KDM1B: variants seen among roughly 807,000 people sequenced by gnomAD.
KDM1B encodes lysine-specific histone demethylase 2.
Under a neutral mutation model 107.4 loss-of-function variants are expected in KDM1B, and 63 were observed. That is an observed-to-expected ratio of 0.59 (90% CI 0.48 to 0.72). The LOEUF (loss-of-function observed/expected upper bound fraction) is 0.72. Among genes scored for constraint, KDM1B ranks in the 30% least tolerant of loss-of-function variants. The pLI is 0.00. For synonymous variants in KDM1B, 363 were observed against 363.9 expected (o/e 1.00, Z 0.03); for missense variants, 749 against 1,020.8 (o/e 0.73, Z 3.63).
At chr6:18,173,709 A>G (rs1785809590) in intron 7 of KDM1B, among the ~76,000 whole-genome samples, 1 of 152,016 alleles carries the variant, frequency 6.6e-6, no homozygotes, top group Non-Finnish European at 1.5e-5. Context: ...TTTTCCATAC[A>G]GATATTTAGT....
rs1384907021 is a variant in KDM1B at position 18,212,561 on chromosome 6, AGATGAAG to A, written c.1942_1948del (p.Met648LeufsTer5). On this transcript the variant is annotated frameshift_variant, in exon 18 of 22. Coordinates refer to ENST00000650836, the MANE Select transcript of KDM1B (RefSeq NM_001364614.2). LOFTEE classifies it high-confidence loss of function. The surrounding 1 kb of genome is among the most constrained non-coding windows in gnomAD (Gnocchi z 5.2). ...TTTAATCCACCGTTGTCAGAGAAGA[AGATGAAG>A]GCTATCAACAGCTTAGGCGCAGGCA... The A allele has an allele frequency of 6.2e-7, 1 of 1,614,178 alleles. No individual in the cohort carries two copies. The highest frequency in any genetic ancestry group is 1.7e-5 in the Admixed American group (1 of 60,032).
intron 8 of KDM1B, among the ~76,000 whole-genome samples, chr6:18,187,581 T>A (rs769919715): frequency 2.5e-4 from 38 of 152,300 alleles, no homozygotes; most frequent in Admixed American, 1.2e-3. Context: ...GAATTCTGTC[T>A]GGGAGACATT....
intron 6 of KDM1B, among the ~76,000 whole-genome samples, chr6:18,167,321 C>T (rs1320791689): frequency 6.6e-6 from 1 of 151,540 alleles, no homozygotes; most frequent in Non-Finnish European, 1.5e-5. Flanking sequence ...CGTGCCACTG[C>T]ACTCCAGCCT....
rs11323463 is a variant in KDM1B, at chr6:18,203,852, C to CAA, written c.1532-1668_1532-1667dup. Among the ~76,000 whole-genome samples, 11,646 of 131,506 alleles carry CAA rather than the reference C, an allele frequency of 0.089. 581 individuals are homozygous for CAA. The highest frequency in any genetic ancestry group is 0.21 in the South Asian group (879 of 4,106). The allele number at this position is 131,506 out of a possible 152,430, so 86.3% of individuals were successfully genotyped here. On this transcript the variant is annotated intron_variant, in intron 14 of 21. Coordinates refer to ENST00000650836, the MANE Select transcript of KDM1B (RefSeq NM_001364614.2). The surrounding 1 kb of genome is among the most constrained non-coding windows in gnomAD (Gnocchi z 5.5). ...TTGATGACAAGCGAAACTCCGTCTCCAAAAAAAAAAAAAAAAAATCACATT... is the reference window on the plus strand; with the variant it reads ...TTGATGACAAGCGAAACTCCGTCTCCAAAAAAAAAAAAAAAAAAAATCACATT...
In KDM1B at chr6:18,213,706, T is replaced by G; in HGVS notation, c.2034T>G (p.Ala678=). Residue 678 remains alanine (A), a synonymous_variant, in exon 19 of 22, where the codon GCT becomes GCG. Transcript: ENST00000650836. The surrounding 1 kb of genome is among the most constrained non-coding windows in gnomAD (Gnocchi z 5.9). ...TTTGGGACAGTAAAGTACAAGGGGCTGACTTTTTTGGTCACGTTCCTCCCA... is the reference window on the plus strand; with the variant it reads ...TTTGGGACAGTAAAGTACAAGGGGCGGACTTTTTTGGTCACGTTCCTCCCA... ...YRFWDSKVQG[A]DFFGHVPPSA... 1 of 1,614,182 alleles carries G rather than the reference T, an allele frequency of 6.2e-7. No individual in the cohort carries two copies. Among genetic ancestry groups the G allele is most frequent in the East Asian group, 2.2e-5 (1 of 44,884 alleles).
At chr6:18,166,125 CATA>C (rs1434243531) in intron 5 of KDM1B, 139 bp from the exon 6 acceptor site, 3 of 572,174 alleles carry the variant, frequency 5.2e-6, no homozygotes, top group Non-Finnish European at 9.6e-6. Flanking sequence ...TTATGGGTGC[CATA>C]ATAACTTTCT....
rs1467847256 is a variant in KDM1B, at chr6:18,201,250, C to T, written c.1360-236C>T. Among the ~76,000 whole-genome samples the T allele has an allele frequency of 2.0e-5, 3 of 152,130 alleles. No homozygotes were observed. Among genetic ancestry groups the T allele is most frequent in the African/African-American group, 4.8e-5 (2 of 41,416 alleles). On this transcript the variant is annotated intron_variant, in intron 13 of 21. Transcript: ENST00000650836. This position sits in a 1 kb window ranked among gnomAD's most constrained non-coding sequence, Gnocchi z 4.3. ...AGCCAAAAAGTTACAATGGGCATGGCGTAGGAGCTGTTGCTGCCCCTCTCA... is the reference window on the plus strand; with the variant it reads ...AGCCAAAAAGTTACAATGGGCATGGTGTAGGAGCTGTTGCTGCCCCTCTCA...
rs1314025564 is a variant in KDM1B at position 18,200,816 on chromosome 6, TG to T, written c.1359+242del. Among the ~76,000 whole-genome samples the T allele has an allele frequency of 2.6e-5, 4 of 152,172 alleles. No homozygotes were observed. The highest frequency in any genetic ancestry group is 5.9e-5 in the Non-Finnish European group (4 of 68,026). On this transcript the variant is annotated intron_variant, in intron 13 of 21. Transcript: ENST00000650836. The surrounding 1 kb of genome is among the most constrained non-coding windows in gnomAD (Gnocchi z 4.3). Reference sequence around the variant, plus strand: ...ATTTCCTTGTTCTTTGCAGGCCACTTGGTTATCTCATAATTTTAGAGTTGCC... The same window carrying T: ...ATTTCCTTGTTCTTTGCAGGCCACTTGTTATCTCATAATTTTAGAGTTGCC...
rs1477873260 is a variant in KDM1B at position 18,211,236 on chromosome 6, G to C, written c.1867-1252G>C. Among the ~76,000 whole-genome samples the C allele has an allele frequency of 1.3e-5, 2 of 152,166 alleles. No homozygotes were observed. Among genetic ancestry groups the C allele is most frequent in the Admixed American group, 6.5e-5 (1 of 15,276 alleles). On this transcript the variant is annotated intron_variant, in intron 17 of 21. Transcript: ENST00000650836. The surrounding 1 kb of genome is among the most constrained non-coding windows in gnomAD (Gnocchi z 5.2). ...GAACTTCCTGTGATCCTAGAATTGA[G>C]AGTTAAGCCAAATATACAAAATCTT... is the stretch of plus-strand genomic sequence containing the variant.
At chr6:18,217,465 G>A (rs931744492) in intron 20 of KDM1B, among the ~76,000 whole-genome samples, 6 of 148,362 alleles carry the variant, frequency 4.0e-5, no homozygotes, top group East Asian at 4.0e-4. Flanking sequence ...TGCAAGCTCC[G>A]CCTCCTGGGT....
At chr6:18,156,839 C>T (rs1028023990) in intron 2 of KDM1B, among the ~76,000 whole-genome samples, 1 of 152,004 alleles carries the variant, frequency 6.6e-6, no homozygotes, top group Non-Finnish European at 1.5e-5. Flanking sequence ...ATCGCTTGAA[C>T]CCAGGAGGTG....
intron 7 of KDM1B, among the ~76,000 whole-genome samples, chr6:18,182,961 G>A (rs1786577562): frequency 1.3e-5 from 2 of 152,182 alleles, no homozygotes; most frequent in African/African-American, 4.8e-5. Context: ...TTAGTGAAAA[G>A]CTTTCTATCT....
rs1784852615 is a variant in KDM1B, at chr6:18,159,828, C to G, written c.-13-55C>G. 4.4e-6 allele frequency: 4 copies of G among 906,358 alleles called. No homozygotes were observed. The highest frequency in any genetic ancestry group is 5.4e-6 in the Non-Finnish European group (3 of 554,096). 56.1% of individuals were successfully genotyped at this position (906,358 alleles called of 1,614,324 possible). A position where few individuals can be genotyped will look rare whatever the true frequency, so the allele number is the denominator to read the frequency against. On this transcript the variant is annotated intron_variant, in intron 2 of 21. Transcript: ENST00000650836. This position sits in a 1 kb window ranked among gnomAD's most constrained non-coding sequence, Gnocchi z 4.5. ...AAAGTGTATAATAACTTGCTCCAGA[C>G]TGTTAAAAATATTTGCAGATGCTAA... is the stretch of plus-strand genomic sequence containing the variant.
intron 10 of KDM1B, 140 bp from the exon 11 acceptor site, chr6:18,196,917 G>A (rs1472628470): frequency 2.8e-5 from 21 of 761,238 alleles, no homozygotes; most frequent in Non-Finnish European, 4.5e-5. Flanking sequence ...GACTGTACCT[G>A]TTGGCCATTT....
chr6:18,168,577 T>A (rs1030026974), intron 6 of KDM1B, among the ~76,000 whole-genome samples: 1 of 152,238 alleles, frequency 6.6e-6, no homozygotes, highest in Non-Finnish European at 1.5e-5. Flanking sequence ...AACATTCTTG[T>A]AGAAGTATTT....
chr6:18,169,095 C>G (rs1003482103), intron 6 of KDM1B, among the ~76,000 whole-genome samples: 3 of 152,082 alleles, frequency 2.0e-5, no homozygotes, highest in African/African-American at 7.2e-5. Flanking sequence ...TGGTCTCGAA[C>G]TCCTGATGTC....
rs1448288175 is a variant in KDM1B at position 18,159,702 on chromosome 6, G to T, written c.-13-181G>T. Among the ~76,000 whole-genome samples the T allele has an allele frequency of 6.6e-6, 1 of 152,176 alleles. No individual in the cohort carries two copies. Among genetic ancestry groups the T allele is most frequent in the Non-Finnish European group, 1.5e-5 (1 of 68,034 alleles). ...GTGGGAGAATCGCTTGAGCCCAGGA[G>T]TTCCAGGCTAGCCTGGGCAACATGG... On this transcript the variant is annotated intron_variant, in intron 2 of 21. Transcript: ENST00000650836. The surrounding 1 kb of genome is among the most constrained non-coding windows in gnomAD (Gnocchi z 4.5).
At chr6:18,160,359 C>T (rs1490825750) in intron 3 of KDM1B, among the ~76,000 whole-genome samples, 1 of 152,024 alleles carries the variant, frequency 6.6e-6, no homozygotes, top group African/African-American at 2.4e-5. Context: ...ATGTATAGGG[C>T]TTTTTGGGTA....
In KDM1B at chr6:18,213,839, T is replaced by G; in HGVS notation, c.2109+58T>G. 1.9e-6 allele frequency: 3 copies of G among 1,580,988 alleles called. No individual in the cohort carries two copies. The highest frequency in any genetic ancestry group is 2.6e-6 in the Non-Finnish European group (3 of 1,150,822). On this transcript the variant is annotated intron_variant, in intron 19 of 21. Coordinates refer to ENST00000650836, the MANE Select transcript of KDM1B (RefSeq NM_001364614.2). This position sits in a 1 kb window ranked among gnomAD's most constrained non-coding sequence, Gnocchi z 5.9. ...CCGTCTTAAAGTTTAGAATTTGATG[T>G]GATAATTACTCACCTATCAAGCTCA...
Sources: gnomAD v4.1 joint callset for allele counts (sites outside exome capture counted in the v4.1 genomes callset) on GRCh38, gnomAD v4.1.1 for gene constraint, Gnocchi (gnomAD v3.1) non-coding constraint, MANE v1.5 for transcripts, NCBI Gene and HGNC (gene_info 2026-07-23, HGNC 2026-07-21) for gene names.